The following CACNG4 variants were observed in gnomAD, a reference collection of about 807,000 sequenced individuals.
CACNG4 encodes voltage-dependent calcium channel gamma-4 subunit.
In CACNG4, 8 loss-of-function variants were observed where a neutral mutation model predicts 22.9. The observed-to-expected ratio is 0.35, with a 90% CI of 0.21 to 0.63. The LOEUF (loss-of-function observed/expected upper bound fraction) is 0.63, where lower values mean the gene tolerates loss of function less well. Among genes scored for constraint, CACNG4 ranks in the 30% least tolerant of loss-of-function variants. CACNG4 has a pLI of 0.72. For synonymous variants in CACNG4, 188 were observed against 191.9 expected (o/e 0.98, Z 0.17); for missense variants, 357 against 455.4 (o/e 0.78, Z 1.97).
intron 2 of CACNG4, among the ~76,000 whole-genome samples, chr17:67,021,102 A>G (rs561232910): frequency 6.6e-5 from 10 of 152,298 alleles, no homozygotes; most frequent in South Asian, 4.1e-4. Flanking sequence ...TCAGGAGGCT[A>G]AGGTGGGCGG....
chr17:66,968,146 G>A (rs543200327), intron 1 of CACNG4, among the ~76,000 whole-genome samples: 13 of 152,032 alleles, frequency 8.6e-5, no homozygotes, highest in African/African-American at 3.1e-4. Context: ...GCCCAGAGGC[G>A]CCCAGGTAGG....
At chr17:67,026,877 C>T (rs540811848) in intron 3 of CACNG4, among the ~76,000 whole-genome samples, 53 of 149,418 alleles carry the variant, frequency 3.5e-4, no homozygotes, top group Non-Finnish European at 6.8e-4. Flanking sequence ...GGTCCCCCCG[C>T]CCTTCCCTTC....
At chr17:67,021,453 A>G (rs902467551) in intron 2 of CACNG4, among the ~76,000 whole-genome samples, 2 of 152,234 alleles carry the variant, frequency 1.3e-5, no homozygotes, top group Non-Finnish European at 2.9e-5. Flanking sequence ...TGACAATTCA[A>G]GAAGGAACTC....
chr17:67,029,525 T>G (rs1405181618), intron 3 of CACNG4, among the ~76,000 whole-genome samples: 1 of 151,700 alleles, frequency 6.6e-6, no homozygotes, highest in Non-Finnish European at 1.5e-5. Context: ...TCCCAGCTAC[T>G]CAGGAGGCTG....
chr17:66,965,996 G>A (rs913424941), intron 1 of CACNG4, among the ~76,000 whole-genome samples: 24 of 152,200 alleles, frequency 1.6e-4, no homozygotes, highest in Non-Finnish European at 3.4e-4. Context: ...ACTGGGAGGG[G>A]CGTGGTCATC....
Position 67,015,286 on chromosome 17 carries a change from G to A in CACNG4, c.221-2903G>A, listed in dbSNP as rs373882905. Among the ~76,000 whole-genome samples the A allele has an allele frequency of 9.2e-5, 14 of 152,322 alleles. No individual in the cohort carries two copies. The South Asian group carries it at 2.9e-3, about 32-fold the overall frequency. On this transcript the variant is annotated intron_variant, in intron 1 of 3. Coordinates refer to ENST00000262138, the MANE Select transcript of CACNG4 (RefSeq NM_014405.4). ...AACAGCCGGTCCCCAAAGCTTACAT[G>A]CTGTATCATTCCATTTGTAGGAGAG...
chr17:66,987,906 G>A (rs144368980), intron 1 of CACNG4, among the ~76,000 whole-genome samples: 118 of 152,100 alleles, frequency 7.8e-4, no homozygotes, highest in East Asian at 2.7e-3. Flanking sequence ...TCTGTGTGCC[G>A]GTTCATGCAC....
At position 67,024,865 on chromosome 17, in the gene CACNG4, G is replaced by A. The variant is rs111539823; in HGVS notation, c.310G>A (p.Val104Met). ...HDSSEYLLRI[V>M]RASSVFPILS... ...CCCCCCACCTCCCCGGCCAGGCATCGTGCGAGCCTCCAGCGTCTTCCCCAT... is the reference window on the plus strand; with the variant it reads ...CCCCCCACCTCCCCGGCCAGGCATCATGCGAGCCTCCAGCGTCTTCCCCAT... Residue 104 changes from valine (V) to methionine (M), a missense_variant, in exon 3 of 4, where the codon GTG (valine) becomes ATG (methionine). Val to Met is a conservative substitution (Grantham distance 21, BLOSUM62 1). This residue lies in a region of CACNG4 where 114 missense variants were observed against 161.6 expected (regional missense o/e 0.71). Coordinates refer to ENST00000262138, the MANE Select transcript of CACNG4 (RefSeq NM_014405.4). 1.9e-5 allele frequency: 29 copies of A among 1,559,132 alleles called. No homozygotes were observed. The highest frequency in any genetic ancestry group is 2.7e-5 in the African/African-American group (2 of 72,736).
intron 1 of CACNG4, among the ~76,000 whole-genome samples, chr17:67,015,101 G>A (rs949020579): frequency 3.9e-5 from 6 of 152,228 alleles, no homozygotes; most frequent in African/African-American, 7.2e-5. Context: ...CCACCGCCTC[G>A]TTAGTAATAG....
intron 1 of CACNG4, among the ~76,000 whole-genome samples, chr17:66,972,558 T>C (rs1008602985): frequency 3.3e-5 from 5 of 152,186 alleles, no homozygotes; most frequent in South Asian, 2.1e-4. Context: ...CGTTTAGGGT[T>C]GCAGGGACAA....
intron 1 of CACNG4, among the ~76,000 whole-genome samples, chr17:66,990,717 A>G (rs987028089): frequency 2.6e-5 from 4 of 151,314 alleles, no homozygotes; most frequent in East Asian, 3.9e-4. Context: ...GTCTCGCTCT[A>G]TCGCCCAGGC....
chr17:67,021,966 G>A (rs776793251), intron 2 of CACNG4, among the ~76,000 whole-genome samples: 1 of 152,190 alleles, frequency 6.6e-6, no homozygotes, highest in South Asian at 2.1e-4. Context: ...CACATCCACA[G>A]CTCAGGAATG....
In CACNG4 at chr17:67,027,608, CTT is replaced by C. The variant is rs2035575801; in HGVS notation, c.445+2609_445+2610del. Among the ~76,000 whole-genome samples the C allele has an allele frequency of 6.6e-6, 1 of 152,200 alleles. No individual in the cohort carries two copies. The highest frequency in any genetic ancestry group is 2.1e-4 in the South Asian group (1 of 4,830). On this transcript the variant is annotated intron_variant, in intron 3 of 3. Coordinates refer to ENST00000262138, the MANE Select transcript of CACNG4 (RefSeq NM_014405.4). The surrounding 1 kb of genome is among the most constrained non-coding windows in gnomAD (Gnocchi z 4.3). ...GGGAAAGTCAGAAGAAGACACAAGA[CTT>C]CTCTGGGAAACTGGAATTCATGGAG...
At chr17:66,990,208 T>C (rs535431912) in intron 1 of CACNG4, among the ~76,000 whole-genome samples, 176 of 152,294 alleles carry the variant, frequency 1.2e-3, no homozygotes, top group Non-Finnish European at 2.1e-3. Flanking sequence ...CGGTTGTGGT[T>C]ATGAGACAAA....
chr17:67,024,922 C>T lies in CACNG4; in HGVS notation c.367C>T (p.Leu123=), dbSNP rs2035554570. 1 of 1,606,636 alleles carries T rather than the reference C, an allele frequency of 6.2e-7. No homozygotes were observed. The highest frequency in any genetic ancestry group is 1.3e-5 in the African/African-American group (1 of 74,794). The change falls in exon 3 of 4, where the codon CTG becomes TTG. Residue 123 remains leucine (L), a synonymous_variant. Coordinates refer to ENST00000262138, the MANE Select transcript of CACNG4 (RefSeq NM_014405.4). The part of the protein sequence containing the change: ...LSTILLLLGG[L]CIGAGRIYSR... The stretch of plus-strand genomic sequence containing the variant: ...CACCATCCTGCTCCTGCTGGGTGGC[C>T]TGTGCATCGGTGCTGGCAGGATCTA...
chr17:66,992,973 G>T (rs1312308793), intron 1 of CACNG4, among the ~76,000 whole-genome samples: 1 of 152,266 alleles, frequency 6.6e-6, no homozygotes, highest in African/African-American at 2.4e-5. Context: ...CTCTGTGTGG[G>T]TTTCCCAGAG....
intron 1 of CACNG4, among the ~76,000 whole-genome samples, chr17:66,972,495 C>T (rs1449288358): frequency 1.3e-5 from 2 of 152,164 alleles, no homozygotes; most frequent in African/African-American, 2.4e-5. Context: ...TGCATATGTC[C>T]CTGGAGGACA....
At chr17:67,000,974 C>T (rs938424646) in intron 1 of CACNG4, among the ~76,000 whole-genome samples, 3 of 151,924 alleles carry the variant, frequency 2.0e-5, no homozygotes, top group African/African-American at 7.3e-5. Context: ...TGGCTGTGTC[C>T]CCACCCAAAT....
At chr17:67,012,819 G>C (rs367663056) in intron 1 of CACNG4, among the ~76,000 whole-genome samples, 5 of 152,238 alleles carry the variant, frequency 3.3e-5, no homozygotes, top group Non-Finnish European at 5.9e-5. Context: ...TGGGGTAAAA[G>C]ATAGGCCAAG....
Sources: gnomAD v4.1 joint callset for allele counts (sites outside exome capture counted in the v4.1 genomes callset) on GRCh38, gnomAD v4.1.1 for gene constraint, gnomAD v4.1.1 regional missense constraint, Gnocchi (gnomAD v3.1) non-coding constraint, MANE v1.5 for transcripts, NCBI Gene and HGNC (gene_info 2026-07-23, HGNC 2026-07-21) for gene names.